MYO18B: variants seen among roughly 807,000 people sequenced by gnomAD.
MYO18B encodes myosin XVIIIB, also known as unconventional myosin-XVIIIb.
In MYO18B, 204 loss-of-function variants were observed where a neutral mutation model predicts 273.0. The ratio of observed to expected loss-of-function variants is 0.75; its 90% CI spans 0.67 to 0.84. MYO18B has a LOEUF of 0.84. MYO18B is among the 40% of genes least tolerant of loss of function. MYO18B has a pLI of 0.00. For synonymous variants in MYO18B, 1,330 were observed against 1,305.7 expected, an observed-to-expected ratio of 1.02 and a Z score of -0.40; for missense variants, 3,212 against 3,287.6, an observed-to-expected ratio of 0.98 and a Z score of 0.56.
At position 25,843,817 on chromosome 22, in the gene MYO18B, C is replaced by A. The variant is rs144564568; in HGVS notation, c.3291C>A (p.Asp1097Glu). The change falls in exon 18 of 44, where the codon GAC (aspartate) becomes GAA (glutamate). Residue 1097 changes from aspartate (D) to glutamate (E), a missense_variant. By Grantham distance (45) the Asp-to-Glu change is conservative. Coordinates refer to ENST00000335473, the MANE Select transcript of MYO18B (RefSeq NM_032608.7). ...HQLGWDPVRYDLTGWLHRAKP... is the reference protein window; with the variant it reads ...HQLGWDPVRYELTGWLHRAKP... ...TGGGATGGGACCCTGTGCGGTACGA[C>A]CTCACGGGCTGGCTCCACAGAGCCA... 3.3e-3 allele frequency: 5,352 copies of A among 1,613,856 alleles called. 6 individuals carry two copies. Among genetic ancestry groups the A allele is most frequent in the Non-Finnish European group, 4.0e-3 (4,765 of 1,179,756 alleles).
chr22:26,053,094 A>T, the MYO18B span, among the ~76,000 whole-genome samples: 1 of 152,168 alleles, frequency 6.6e-6, no homozygotes, highest in Non-Finnish European at 1.5e-5. Context: ...GGCGTGAGCC[A>T]CCACACCCGG....
At chr22:25,780,275 C>A in intron 9 of MYO18B, 77 bp downstream of exon 9, 1 of 1,478,102 alleles carries the variant, frequency 6.8e-7, no homozygotes, top group Middle Eastern at 1.8e-4. Context: ...GCAGAGCCCA[C>A]GCCTCCAGCT....
rs147831283 is a variant in MYO18B at position 25,840,354 on chromosome 22, G to T, written c.3209-3381G>T. Among the ~76,000 whole-genome samples the T allele has an allele frequency of 2.4e-3, 364 of 152,328 alleles. 1 individual carries two copies. The highest frequency in any genetic ancestry group is 8.4e-3 in the African/African-American group (350 of 41,568). ...CTCCTTCTGCCTGGAGGGCCCTTCC[G>T]CCACATTCCAGCCCAGTGCTGCTCA... On this transcript the variant is annotated intron_variant, in intron 17 of 43. Transcript: ENST00000335473.
chr22:25,857,069 A>G (rs1181352845), intron 21 of MYO18B, among the ~76,000 whole-genome samples: 1 of 152,108 alleles, frequency 6.6e-6, no homozygotes, highest in Non-Finnish European at 1.5e-5. Flanking sequence ...TTCTCCCTGT[A>G]ATCATCTTCA....
At chr22:25,901,806 G>GTT (rs34278088) in intron 29 of MYO18B, among the ~76,000 whole-genome samples, 1,295 of 92,082 alleles carry the variant, frequency 0.014, 13 homozygotes, top group South Asian at 0.02. Flanking sequence ...TTTTGGGTTG[G>GTT]TTTTTTTTTT....
chr22:25,749,096 A>G (rs577885450), intron 1 of MYO18B, among the ~76,000 whole-genome samples: 1 of 152,306 alleles, frequency 6.6e-6, no homozygotes, highest in Non-Finnish European at 1.5e-5. Context: ...AGTCCTTCCC[A>G]TGTAACCCAC....
intron 8 of MYO18B, among the ~76,000 whole-genome samples, chr22:25,778,656 A>AT (rs2087012213): frequency 1.3e-5 from 2 of 151,378 alleles, no homozygotes; most frequent in Non-Finnish European, 2.9e-5. Flanking sequence ...TTTTATTTTT[A>AT]TTTTTTGTAT....
chr22:25,786,556 C>G (rs542507922), intron 11 of MYO18B, among the ~76,000 whole-genome samples: 1 of 150,794 alleles, frequency 6.6e-6, no homozygotes, highest in Non-Finnish European at 1.5e-5. Context: ...AGTCACAGAT[C>G]TAATTGCAAA....
At chr22:26,000,740 T>G (rs1486783353) in intron 40 of MYO18B, among the ~76,000 whole-genome samples, 2 of 152,164 alleles carry the variant, frequency 1.3e-5, no homozygotes, top group East Asian at 1.9e-4. Flanking sequence ...CATACTCTCA[T>G]TTTTTGGAGA....
At chr22:25,798,162 G>A in intron 12 of MYO18B, 65 bp downstream of exon 12, 1 of 1,511,506 alleles carries the variant, frequency 6.6e-7, no homozygotes, top group South Asian at 1.3e-5. Flanking sequence ...GCCTGACAAG[G>A]CCCTTCTCTC....
intron 21 of MYO18B, among the ~76,000 whole-genome samples, chr22:25,856,669 G>T (rs951801162): frequency 2.0e-4 from 30 of 152,200 alleles, no homozygotes; most frequent in Non-Finnish European, 3.5e-4. Flanking sequence ...CTCATGTTGG[G>T]TACAGGATTG....
intron 21 of MYO18B, among the ~76,000 whole-genome samples, chr22:25,860,845 AATTTGGTTGATAGT>A (rs1400201944): frequency 1.3e-5 from 2 of 151,912 alleles, no homozygotes; most frequent in Non-Finnish European, 2.9e-5. Flanking sequence ...TAGTTGGGGC[AATTTGGTTGATAGT>A]ATTGTTCAAG....
Position 25,868,012 on chromosome 22 carries a change from C to T in MYO18B, c.3886-308C>T, listed in dbSNP as rs148848402. The stretch of plus-strand genomic sequence containing the variant: ...TCTGGTAATTCTATGTTTAATTATT[C>T]GAGGAACCTCTGTACTGATTTCCCT... On this transcript the variant is annotated intron_variant, in intron 21 of 43. Transcript: ENST00000335473. Among the ~76,000 whole-genome samples the T allele has an allele frequency of 4.6e-5, 7 of 152,260 alleles. No individual in the cohort carries two copies. The East Asian group carries it at 9.6e-4, about 21-fold the overall frequency.
At chr22:25,967,354 A>G (rs1460699041) in intron 39 of MYO18B, among the ~76,000 whole-genome samples, 1 of 152,236 alleles carries the variant, frequency 6.6e-6, no homozygotes. Context: ...TCTTCATGGT[A>G]GAAAGCTTGA....
intron 33 of MYO18B, among the ~76,000 whole-genome samples, chr22:25,914,214 T>A (rs1242370448): frequency 6.6e-6 from 1 of 152,182 alleles, no homozygotes; most frequent in Non-Finnish European, 1.5e-5. Context: ...ACAGCTTACC[T>A]TGACTGTTTT....
chr22:25,979,794 C>T (rs190565745), intron 39 of MYO18B, among the ~76,000 whole-genome samples: 4 of 152,142 alleles, frequency 2.6e-5, no homozygotes, highest in Non-Finnish European at 5.9e-5. Context: ...TCCCTCCTCC[C>T]TTTCCCTTCC....
intron 34 of MYO18B, among the ~76,000 whole-genome samples, chr22:25,945,723 C>CTCCCCTCCCCTCCCCTCGCCTCCCCT (rs1252218540): frequency 4.5e-5 from 2 of 44,010 alleles, no homozygotes; most frequent in African/African-American, 2.5e-4. Context: ...CCTCCCCTCC[C>CTCCCCTCCCCTCCCCTCGCCTCCCCT]CTCCCCTCGC....
intron 33 of MYO18B, among the ~76,000 whole-genome samples, chr22:25,915,451 T>C (rs2092246334): frequency 6.6e-6 from 1 of 152,204 alleles, no homozygotes; most frequent in Non-Finnish European, 1.5e-5. Flanking sequence ...TAAGTATTTG[T>C]GTACCTAAAC....
the MYO18B span, among the ~76,000 whole-genome samples, chr22:26,053,371 T>G: frequency 6.6e-6 from 1 of 152,138 alleles, no homozygotes; most frequent in African/African-American, 2.4e-5. Context: ...ACTATACCTA[T>G]TTTACAGAGG....
Sources: gnomAD v4.1 joint callset for allele counts (sites outside exome capture counted in the v4.1 genomes callset) on GRCh38, gnomAD v4.1.1 for gene constraint, MANE v1.5 for transcripts, NCBI Gene and HGNC (gene_info 2026-07-23, HGNC 2026-07-21) for gene names.